SDK1: variants seen among roughly 807,000 people sequenced by gnomAD.
The protein encoded by SDK1 is protein sidekick-1.
A neutral mutation model predicts 245.5 loss-of-function variants in SDK1; 157 were observed. The observed-to-expected ratio is 0.64, with a 90% CI of 0.56 to 0.73. The LOEUF (loss-of-function observed/expected upper bound fraction) is 0.73. SDK1 is among the 30% of genes least tolerant of loss of function. SDK1 has a pLI of 0.00. For synonymous variants in SDK1, 1,647 were observed against 1,278.5 expected (o/e 1.29, Z -6.15); for missense variants, 3,583 against 3,002.3 (o/e 1.19, Z -4.52).
intron 14 of SDK1, among the ~76,000 whole-genome samples, chr7:3,991,850 C>T (rs1477630931): frequency 6.6e-6 from 1 of 152,208 alleles, no homozygotes; most frequent in Non-Finnish European, 1.5e-5. Context: ...GGAAGAGTAC[C>T]ACCATCATCT....
chr7:4,167,641 G>A (rs1455248251), intron 32 of SDK1, among the ~76,000 whole-genome samples: 1 of 152,234 alleles, frequency 6.6e-6, no homozygotes, highest in Non-Finnish European at 1.5e-5. Context: ...CTCTGACTGA[G>A]CATCCGCCAT....
chr7:3,896,118 C>T (rs1226524337), intron 5 of SDK1, among the ~76,000 whole-genome samples: 1 of 152,134 alleles, frequency 6.6e-6, no homozygotes, highest in Non-Finnish European at 1.5e-5. Context: ...TTCAAGTCTT[C>T]TGTTTACTGA....
chr7:3,456,342 C>G (rs559895268), intron 1 of SDK1, among the ~76,000 whole-genome samples: 11 of 150,826 alleles, frequency 7.3e-5, no homozygotes, highest in Admixed American at 6.6e-5. Flanking sequence ...TGAAGCTCTA[C>G]TGACATAAAT....
intron 5 of SDK1, among the ~76,000 whole-genome samples, chr7:3,893,725 C>T (rs1325608105): frequency 1.3e-5 from 2 of 151,334 alleles, no homozygotes; most frequent in Non-Finnish European, 1.5e-5. Context: ...CACAGACATT[C>T]AGGATCTGCC....
chr7:3,613,843 G>C (rs942375122), intron 1 of SDK1, among the ~76,000 whole-genome samples: 1 of 152,168 alleles, frequency 6.6e-6, no homozygotes, highest in African/African-American at 2.4e-5. Flanking sequence ...GATGGAGCTG[G>C]AGGCCATCAT....
At chr7:3,793,181 T>G (rs1051494862) in intron 4 of SDK1, among the ~76,000 whole-genome samples, 2 of 152,200 alleles carry the variant, frequency 1.3e-5, no homozygotes, top group African/African-American at 4.8e-5. Context: ...GGGTTATAAT[T>G]TTAATATTTT....
intron 8 of SDK1, among the ~76,000 whole-genome samples, chr7:3,959,436 A>G (rs1781505489): frequency 6.6e-6 from 1 of 152,096 alleles, no homozygotes; most frequent in South Asian, 2.1e-4. Flanking sequence ...GTGTACATGT[A>G]TTTGTAGTAG....
intron 1 of SDK1, among the ~76,000 whole-genome samples, chr7:3,367,689 C>A (rs1303539340): frequency 6.6e-6 from 1 of 152,188 alleles, no homozygotes; most frequent in Non-Finnish European, 1.5e-5. Flanking sequence ...TAACTTAACT[C>A]TTCGACCTAT....
chr7:3,966,370 TGA>T, intron 9 of SDK1, among the ~76,000 whole-genome samples: 1 of 152,172 alleles, frequency 6.6e-6, no homozygotes, highest in Admixed American at 6.5e-5. Flanking sequence ...ACAGAAGACT[TGA>T]GAGACACAGA....
intron 4 of SDK1, among the ~76,000 whole-genome samples, chr7:3,745,472 A>G (rs916106295): frequency 7.2e-5 from 11 of 152,330 alleles, no homozygotes; most frequent in African/African-American, 2.6e-4. Flanking sequence ...ACATTTATAT[A>G]ATACTGTTAA....
intron 19 of SDK1, among the ~76,000 whole-genome samples, chr7:4,063,080 G>T (rs1779639292): frequency 6.6e-6 from 1 of 151,972 alleles, no homozygotes. Flanking sequence ...ACACCTATTT[G>T]TAGTACTGGA....
In SDK1 at chr7:3,369,894, C is replaced by T. The variant is rs565714659; in HGVS notation, c.298+68010C>T. ...GTGGGTATTTCAGGGCAGCACCTAG[C>T]CACTGCTGGTGTACAGTGCGGACTG... On this transcript the variant is annotated intron_variant, in intron 1 of 44. Transcript: ENST00000404826. Among the ~76,000 whole-genome samples the T allele has an allele frequency of 3.9e-5, 6 of 152,312 alleles. No homozygotes were observed. In the South Asian group the frequency reaches 1.0e-3, roughly 26 times the overall value.
intron 4 of SDK1, among the ~76,000 whole-genome samples, chr7:3,732,960 T>C (rs552033216): frequency 1.3e-5 from 2 of 152,334 alleles, no homozygotes; most frequent in African/African-American, 2.4e-5. Context: ...ACCTAGTTTA[T>C]AGCAAGTAAT....
chr7:3,916,958 C>G (rs1050805541), intron 5 of SDK1, among the ~76,000 whole-genome samples: 1 of 152,184 alleles, frequency 6.6e-6, no homozygotes, highest in Non-Finnish European at 1.5e-5. Context: ...CTTATCATGG[C>G]AAGTGCCTGA....
chr7:3,652,709 G>T (rs939959826), intron 4 of SDK1, among the ~76,000 whole-genome samples: 1 of 152,182 alleles, frequency 6.6e-6, no homozygotes, highest in African/African-American at 2.4e-5. Context: ...GTTGCAGTTT[G>T]TGGTGATGGA....
At chr7:3,803,315 C>CTTTT (rs60469408) in intron 4 of SDK1, among the ~76,000 whole-genome samples, 2 of 119,862 alleles carry the variant, frequency 1.7e-5, no homozygotes, top group African/African-American at 2.8e-5. Flanking sequence ...TTCTTTCTTT[C>CTTTT]TTTTTTTTTT....
At chr7:3,451,701 A>T in intron 1 of SDK1, among the ~76,000 whole-genome samples, 1 of 152,208 alleles carries the variant, frequency 6.6e-6, no homozygotes, top group East Asian at 1.9e-4. Flanking sequence ...ACAGGTATGA[A>T]ATTAAACAGT....
intron 44 of SDK1, among the ~76,000 whole-genome samples, chr7:4,264,851 G>C (rs1413831476): frequency 6.6e-6 from 1 of 152,190 alleles, no homozygotes; most frequent in Non-Finnish European, 1.5e-5. Flanking sequence ...TGGAGGCCCA[G>C]CTCTTCTCGG....
At chr7:3,977,498 A>C (rs1393501847) in intron 13 of SDK1, among the ~76,000 whole-genome samples, 2 of 152,226 alleles carry the variant, frequency 1.3e-5, no homozygotes, top group Non-Finnish European at 2.9e-5. Context: ...CAGGCATTGG[A>C]GCCTACGACC....
Sources: gnomAD v4.1 joint callset for allele counts (sites outside exome capture counted in the v4.1 genomes callset) on GRCh38, gnomAD v4.1.1 for gene constraint, MANE v1.5 for transcripts, NCBI Gene and HGNC (gene_info 2026-07-23, HGNC 2026-07-21) for gene names.